LRRC72: variants seen among roughly 807,000 people sequenced by gnomAD.
LRRC72 encodes the protein leucine-rich repeat-containing protein 72.
Under a neutral mutation model 35.8 loss-of-function variants are expected in LRRC72, and 41 were observed. That is an observed-to-expected ratio of 1.15 (90% CI 0.89 to 1.49). LRRC72 has a LOEUF of 1.49. Ranked by LOEUF, LRRC72 falls within the 40% of genes most tolerant of loss-of-function variation. The pLI is 0.00. For missense variants in LRRC72, 389 were observed against 330.7 expected (o/e 1.18, Z -1.37); for synonymous variants, 118 against 119.2 (o/e 0.99, Z 0.07).
At chr7:16,581,286 A>C in intron 8 of LRRC72, 38 bp from the exon 9 acceptor site, 1 of 1,410,108 alleles carries the variant, frequency 7.1e-7, no homozygotes, top group Non-Finnish European at 9.3e-7. Context: ...TTCATTTTTG[A>C]TTGCTTTTTT....
chr7:16,579,679 G>T (rs994864666), intron 7 of LRRC72, among the ~76,000 whole-genome samples: 1 of 152,082 alleles, frequency 6.6e-6, no homozygotes, highest in South Asian at 2.1e-4. Flanking sequence ...CCCTCATTTG[G>T]ACTGTTAGTC....
chr7:16,535,478 C>A (rs1036152715), intron 2 of LRRC72, among the ~76,000 whole-genome samples: 26 of 152,226 alleles, frequency 1.7e-4, no homozygotes, highest in African/African-American at 5.8e-4. Flanking sequence ...TTAGGAAAAT[C>A]ATTTTTTATA....
chr7:16,563,435 G>A (rs1782776154), intron 5 of LRRC72, among the ~76,000 whole-genome samples: 1 of 152,188 alleles, frequency 6.6e-6, no homozygotes, highest in Admixed American at 6.5e-5. Flanking sequence ...AAGCAAGACA[G>A]TGCTGGCGCC....
intron 1 of LRRC72, among the ~76,000 whole-genome samples, chr7:16,528,882 G>C (rs10235440): frequency 6.6e-6 from 1 of 151,974 alleles, no homozygotes; most frequent in Non-Finnish European, 1.5e-5. Flanking sequence ...AGGAGGAAAA[G>C]TGTTTCTGAA....
rs777273560 is a variant in LRRC72 at position 16,545,268 on chromosome 7, C to T, written c.234+7572C>T. Among the ~76,000 whole-genome samples the T allele has an allele frequency of 9.2e-5, 14 of 152,146 alleles. No individual in the cohort carries two copies. The South Asian group carries it at 2.7e-3, about 29-fold the overall frequency. On this transcript the variant is annotated intron_variant, in intron 3 of 8. Coordinates refer to ENST00000401542, the MANE Select transcript of LRRC72 (RefSeq NM_001195280.2). The stretch of plus-strand genomic sequence containing the variant: ...TTTCCTAGCTCCTAGACATGAAGCG[C>T]ATATTGAGAATTCAGCAAATAGCAC...
At chr7:16,552,981 A>AT (rs1782582036) in intron 3 of LRRC72, among the ~76,000 whole-genome samples, 2 of 152,308 alleles carry the variant, frequency 1.3e-5, no homozygotes, top group Middle Eastern at 6.8e-3. Context: ...ATAAGATAAT[A>AT]ATATGCTCCT....
chr7:16,529,548 A>G, intron 1 of LRRC72, among the ~76,000 whole-genome samples: 1 of 152,204 alleles, frequency 6.6e-6, no homozygotes, highest in South Asian at 2.1e-4. Context: ...GGCATATAGT[A>G]CTAGTGAAGC....
intron 3 of LRRC72, among the ~76,000 whole-genome samples, chr7:16,555,103 A>T (rs1039371800): frequency 3.9e-5 from 6 of 152,176 alleles, no homozygotes; most frequent in African/African-American, 1.4e-4. Context: ...TCTGGCTTTG[A>T]ATGGTTTCTC....
chr7:16,529,564 G>A (rs1447952479), intron 1 of LRRC72, among the ~76,000 whole-genome samples: 1 of 152,110 alleles, frequency 6.6e-6, no homozygotes, highest in African/African-American at 2.4e-5. Context: ...GAAGCTGTGT[G>A]TTCACTGGGA....
At chr7:16,580,217 C>A (rs1473099149) in intron 8 of LRRC72, 116 bp downstream of exon 8, 6 of 187,746 alleles carry the variant, frequency 3.2e-5, no homozygotes. Context: ...ACTCACTCTT[C>A]AATAGATGAG....
chr7:16,530,454 T>C (rs569859332), intron 1 of LRRC72: 54 of 152,312 alleles, frequency 3.5e-4, no homozygotes, highest in African/African-American at 1.0e-3. Flanking sequence ...CTAATACTAA[T>C]GCTAATCTCT....
In LRRC72 at chr7:16,532,081, C is replaced by A. The variant is rs182926819; in HGVS notation, c.91-414C>A. On this transcript the variant is annotated intron_variant, in intron 1 of 8. Coordinates refer to ENST00000401542, the MANE Select transcript of LRRC72 (RefSeq NM_001195280.2). Reference sequence around the variant, plus strand: ...CTATAATAACATACATTTTATCCTACTCTCTCCACCTCCAACCCTGATACT... The same window carrying A: ...CTATAATAACATACATTTTATCCTAATCTCTCCACCTCCAACCCTGATACT... Among the ~76,000 whole-genome samples the A allele has an allele frequency of 2.5e-3, 379 of 152,288 alleles. 2 individuals carry two copies. The highest frequency in any genetic ancestry group is 8.7e-3 in the African/African-American group (362 of 41,572).
chr7:16,555,574 A>G (rs564142023), intron 3 of LRRC72, among the ~76,000 whole-genome samples: 1 of 152,328 alleles, frequency 6.6e-6, no homozygotes, highest in East Asian at 1.9e-4. Flanking sequence ...GGAGTTCAAG[A>G]CCAGCGTGGC....
intron 2 of LRRC72, among the ~76,000 whole-genome samples, chr7:16,536,397 G>A (rs757025584): frequency 6.6e-6 from 1 of 151,820 alleles, no homozygotes; most frequent in Admixed American, 6.6e-5. Context: ...GGATGGTATG[G>A]TGGTTGCACA....
At chr7:16,528,603 C>G (rs1480332559) in intron 1 of LRRC72, among the ~76,000 whole-genome samples, 1 of 152,132 alleles carries the variant, frequency 6.6e-6, no homozygotes, top group Non-Finnish European at 1.5e-5. Context: ...ACACCTGCCC[C>G]CACCCTGAGG....
At chr7:16,577,489 A>G (rs1783061836) in intron 7 of LRRC72, among the ~76,000 whole-genome samples, 1 of 152,188 alleles carries the variant, frequency 6.6e-6, no homozygotes, top group African/African-American at 2.4e-5. Context: ...CTCACACAAA[A>G]CTCAGAGGGC....
chr7:16,571,079 C>T (rs554082876), intron 7 of LRRC72, among the ~76,000 whole-genome samples: 1 of 151,012 alleles, frequency 6.6e-6, no homozygotes, highest in East Asian at 1.9e-4. Flanking sequence ...TCGATTTGTT[C>T]CTTTATTCCT....
intron 3 of LRRC72, among the ~76,000 whole-genome samples, chr7:16,556,926 C>T (rs74839086): frequency 0.018 from 2,735 of 152,216 alleles, 70 homozygotes; most frequent in African/African-American, 0.061. Context: ...GAAATCATGA[C>T]TCCTACAGAT....
chr7:16,537,608 A>ATT lies in LRRC72; in HGVS notation c.165-10_165-9dup. 1.3e-5 allele frequency: 17 copies of ATT among 1,315,384 alleles called. No individual in the cohort carries two copies. The highest frequency in any genetic ancestry group is 4.4e-5 in the South Asian group (3 of 67,498). The allele number at this position is 1,315,384 out of a possible 1,614,324, so 81.5% of individuals were successfully genotyped here. The stretch of plus-strand genomic sequence containing the variant: ...TGAACTAATTGTTGCTAATGTTCAC[A>ATT]TTTTTTTTTTCTTTCCAGGGAACTG... On this transcript the variant is annotated intron_variant, in intron 2 of 8. Coordinates refer to ENST00000401542, the MANE Select transcript of LRRC72 (RefSeq NM_001195280.2).
Sources: allele counts gnomAD v4.1 joint callset (sites outside exome capture counted in the v4.1 genomes callset), GRCh38; gene constraint gnomAD v4.1.1; transcripts MANE v1.5; gene names NCBI Gene and HGNC (gene_info 2026-07-23, HGNC 2026-07-21).